Variants in PSD3 observed in about 807,000 individuals in gnomAD.
PSD3 encodes PH and SEC7 domain-containing protein 3.
Under a neutral mutation model 105.5 loss-of-function variants are expected in PSD3, and 49 were observed. The observed-to-expected ratio is 0.46, with a 90% CI of 0.37 to 0.59. The LOEUF (loss-of-function observed/expected upper bound fraction) is 0.59. Among genes scored for constraint, PSD3 ranks in the 20% least tolerant of loss-of-function variants. The pLI is 0.00. For missense variants in PSD3, 1,561 were observed against 1,263.8 expected (o/e 1.24, Z -3.57); for synonymous variants, 557 against 457.8 (o/e 1.22, Z -2.77).
intron 2 of PSD3, among the ~76,000 whole-genome samples, chr8:18,879,015 C>G (rs962584777): frequency 1.3e-5 from 2 of 150,210 alleles, no homozygotes; most frequent in Non-Finnish European, 3.0e-5. Context: ...TTCAACTGCC[C>G]TCTGGAAAAA....
At chr8:18,992,033 A>T (rs1015408622) in intron 1 of PSD3, among the ~76,000 whole-genome samples, 2 of 152,226 alleles carry the variant, frequency 1.3e-5, no homozygotes, top group African/African-American at 4.8e-5. Flanking sequence ...GAAAATGTCC[A>T]TCAAACCTAG....
intron 9 of PSD3, chr8:18,684,203 TCCACACAC>T (rs770152432): frequency 9.0e-6 from 2 of 222,820 alleles, no homozygotes; most frequent in Non-Finnish European, 7.8e-6. Context: ...GTCTCTCTTT[TCCACACAC>T]ACACACACAC....
intron 8 of PSD3, among the ~76,000 whole-genome samples, chr8:18,768,116 CAAAAAAAAA>C (rs774203727): frequency 1.0e-5 from 1 of 97,372 alleles, no homozygotes; most frequent in Non-Finnish European, 1.9e-5. Context: ...ACTGAAAATA[CAAAAAAAAA>C]AAAAAAAAAA....
At chr8:18,910,279 C>G (rs938799588) in intron 2 of PSD3, among the ~76,000 whole-genome samples, 1 of 144,006 alleles carries the variant, frequency 6.9e-6, no homozygotes, top group Admixed American at 7.1e-5. Context: ...AAATGTGGCA[C>G]ATATACACCA....
intron 11 of PSD3, among the ~76,000 whole-genome samples, chr8:18,626,346 G>C (rs1430685892): frequency 6.7e-6 from 1 of 149,312 alleles, no homozygotes; most frequent in Non-Finnish European, 1.5e-5. Flanking sequence ...ATGCAGCTTT[G>C]ATTCAAATTT....
rs1409847515 is a variant in PSD3, at chr8:18,974,886, TA to T, written c.21+38676del. On this transcript the variant is annotated intron_variant, in intron 1 of 15. Coordinates refer to ENST00000327040, the MANE Select transcript of PSD3 (RefSeq NM_015310.4). ...TGGAGGAAAGGGTGGACCGCAGTGCTAATTACAAACAGGTCAAAGGGAAAAA... is the reference window on the plus strand; with the variant it reads ...TGGAGGAAAGGGTGGACCGCAGTGCTATTACAAACAGGTCAAAGGGAAAAA... Among the ~76,000 whole-genome samples the T allele has an allele frequency of 3.9e-5, 6 of 152,158 alleles. No individual in the cohort carries two copies. The East Asian group carries it at 1.2e-3, about 29-fold the overall frequency.
At chr8:18,610,945 A>G (rs1649669447) in intron 11 of PSD3, among the ~76,000 whole-genome samples, 1 of 152,300 alleles carries the variant, frequency 6.6e-6, no homozygotes, top group Admixed American at 6.5e-5. Flanking sequence ...AATCTATACA[A>G]TGAATCTACT....
chr8:18,548,461 A>G (rs1408234914), intron 15 of PSD3, among the ~76,000 whole-genome samples: 1 of 152,180 alleles, frequency 6.6e-6, no homozygotes, highest in African/African-American at 2.4e-5. Flanking sequence ...TGGGTGAGGA[A>G]TACTTTCTCC....
Position 18,838,555 on chromosome 8 carries a change from A to C in PSD3, c.1634+29119T>G, listed in dbSNP as rs574940114. ...GGTGGCTCATGCCTGTAATCCCAGC[A>C]CTTTGGGAGGCCGAGGCGGGCGGAT... On this transcript the variant is annotated intron_variant, in intron 4 of 15. Transcript: ENST00000327040. Among the ~76,000 whole-genome samples, 3 of 152,186 alleles carry C rather than the reference A, an allele frequency of 2.0e-5. No individual in the cohort carries two copies. In the East Asian group the frequency reaches 5.8e-4, roughly 29 times the overall value.
chr8:18,909,640 T>C (rs914335793), intron 2 of PSD3, among the ~76,000 whole-genome samples: 5 of 152,096 alleles, frequency 3.3e-5, no homozygotes, highest in East Asian at 3.9e-4. Context: ...CACGTTACCA[T>C]GCCCGGCTAA....
At chr8:18,774,201 C>T (rs1345352327) in intron 8 of PSD3, among the ~76,000 whole-genome samples, 1 of 151,998 alleles carries the variant, frequency 6.6e-6, no homozygotes, top group Non-Finnish European at 1.5e-5. Flanking sequence ...TTTAAAGACA[C>T]AAAATATTTT....
chr8:18,780,668 C>T (rs1022047466), intron 8 of PSD3, among the ~76,000 whole-genome samples: 1 of 152,112 alleles, frequency 6.6e-6, no homozygotes, highest in Non-Finnish European at 1.5e-5. Flanking sequence ...ATTCTCCTAC[C>T]TCAGCCTCCT....
intron 15 of PSD3, among the ~76,000 whole-genome samples, chr8:18,540,934 G>A (rs918478958): frequency 1.3e-5 from 2 of 151,750 alleles, no homozygotes; most frequent in African/African-American, 2.4e-5. Context: ...ACTCCTATTC[G>A]AGGACCTGTG....
chr8:18,982,627 A>T (rs1209629017), intron 1 of PSD3, among the ~76,000 whole-genome samples: 1 of 152,230 alleles, frequency 6.6e-6, no homozygotes, highest in Admixed American at 6.5e-5. Context: ...AACAACATAC[A>T]TCTCCTTGTA....
chr8:18,990,688 A>C (rs938307049), intron 1 of PSD3, among the ~76,000 whole-genome samples: 2 of 152,230 alleles, frequency 1.3e-5, no homozygotes, highest in Non-Finnish European at 2.9e-5. Flanking sequence ...TTTTAATTGA[A>C]ATTTTTTAAA....
At chr8:18,925,192 G>A (rs1193533945) in intron 2 of PSD3, among the ~76,000 whole-genome samples, 1 of 152,140 alleles carries the variant, frequency 6.6e-6, no homozygotes, top group East Asian at 1.9e-4. Flanking sequence ...TTTGAGACCT[G>A]CCGGGGCAGC....
chr8:18,667,601 G>A (rs558223873), intron 9 of PSD3, among the ~76,000 whole-genome samples: 2 of 152,324 alleles, frequency 1.3e-5, no homozygotes, highest in South Asian at 2.1e-4. Context: ...AATAGATTTA[G>A]GAGCCCAGCT....
chr8:18,749,186 A>C (rs144659507), intron 9 of PSD3, among the ~76,000 whole-genome samples: 3 of 152,352 alleles, frequency 2.0e-5, no homozygotes, highest in African/African-American at 7.2e-5. Context: ...AGTAACTAAC[A>C]CATGGAGTAC....
At chr8:18,788,409 G>C (rs1809386930) in intron 8 of PSD3, among the ~76,000 whole-genome samples, 2 of 152,180 alleles carry the variant, frequency 1.3e-5, no homozygotes, top group Admixed American at 6.5e-5. Context: ...AAATCTTTGA[G>C]CGTGCCATCC....
Sources: allele counts gnomAD v4.1 joint callset (sites outside exome capture counted in the v4.1 genomes callset), GRCh38; gene constraint gnomAD v4.1.1; transcripts MANE v1.5; gene names NCBI Gene and HGNC (gene_info 2026-07-23, HGNC 2026-07-21).